Variants in ZNF691 observed in about 807,000 individuals in gnomAD.
ZNF691 encodes zinc finger protein 691.
A neutral mutation model predicts 24.1 loss-of-function variants in ZNF691; 11 were observed. The observed-to-expected ratio is 0.46, with a 90% CI of 0.29 to 0.75. ZNF691 has a LOEUF of 0.75. ZNF691 is among the 30% of genes least tolerant of loss of function. The probability of loss-of-function intolerance (pLI) is 0.11; values close to 1 mark genes in which losing one functional copy is unlikely to be tolerated. For synonymous variants in ZNF691, 149 were observed against 153.9 expected (o/e 0.97, Z 0.23); for missense variants, 356 against 409.0 (o/e 0.87, Z 1.12).
chr1:42,848,833 G>A (rs1655305659), intron 1 of ZNF691, among the ~76,000 whole-genome samples: 1 of 152,154 alleles, frequency 6.6e-6, no homozygotes, highest in African/African-American at 2.4e-5. Flanking sequence ...TTAAAGGATG[G>A]TCAGGAAACA....
At chr1:42,847,099 C>T (rs1655262292) in intron 1 of ZNF691, among the ~76,000 whole-genome samples, 1 of 151,654 alleles carries the variant, frequency 6.6e-6, no homozygotes, top group African/African-American at 2.4e-5. Context: ...GCTTCCTCTT[C>T]CCTGACCGTC....
intron 1 of ZNF691, among the ~76,000 whole-genome samples, chr1:42,847,321 T>C (rs1461351029): frequency 4.6e-5 from 7 of 152,130 alleles, no homozygotes; most frequent in South Asian, 2.1e-4. Context: ...ACCTAGGCGC[T>C]TCACCTTCAT....
chr1:42,851,662 A>G lies in ZNF691; in HGVS notation c.797A>G (p.Asp266Gly), dbSNP rs774556175. 7 of 1,614,174 alleles carry G rather than the reference A, an allele frequency of 4.3e-6. No individual in the cohort carries two copies. Among genetic ancestry groups the G allele is most frequent in the Non-Finnish European group, 5.9e-6 (7 of 1,180,042 alleles). ...ACTGAGTGTGGGCGGACCTTCAGCG[A>G]TATCTCCAACTTTGGAGCACACCAG... The part of the protein sequence containing the change: ...ECTECGRTFS[D>G]ISNFGAHQRT... The change falls in exon 4 of 4, where the codon GAT becomes GGT. Residue 266 changes from aspartate to glycine, a missense_variant. By Grantham distance (94) the Asp-to-Gly change is moderately conservative. Coordinates refer to ENST00000651192, the MANE Select transcript of ZNF691 (RefSeq NM_001242739.2). The surrounding 1 kb of genome is among the most constrained non-coding windows in gnomAD (Gnocchi z 4.7).
rs1163123619 is a variant in ZNF691 at position 42,849,471 on chromosome 1, G to T, written c.-95+58G>T. On this transcript the variant is annotated intron_variant, in intron 2 of 3. Transcript: ENST00000651192. Reference sequence around the variant, plus strand: ...TAGGCTCAGAGTGGTTGAATAATTTGCAGAGAGCGATAAAGATAGTATGTG... The same window carrying T: ...TAGGCTCAGAGTGGTTGAATAATTTTCAGAGAGCGATAAAGATAGTATGTG... 6 of 687,572 alleles carry T rather than the reference G, an allele frequency of 8.7e-6. No homozygotes were observed. In the South Asian group the frequency reaches 9.0e-5, roughly 10 times the overall value. The allele number at this position is 687,572 out of a possible 1,614,324, so 42.6% of individuals were successfully genotyped here. A position where few individuals can be genotyped will look rare whatever the true frequency, so the allele number is the denominator to read the frequency against.
chr1:42,851,021 G>T lies in ZNF691; in HGVS notation c.156G>T (p.Lys52Asn). The change falls in exon 4 of 4, where the codon AAG (lysine) becomes AAT (asparagine). Residue 52 changes from lysine (K) to asparagine (N), a missense_variant. Physicochemically the swap from Lys to Asn is moderately conservative, Grantham distance 94. Coordinates refer to ENST00000651192, the MANE Select transcript of ZNF691 (RefSeq NM_001242739.2). The surrounding 1 kb of genome is among the most constrained non-coding windows in gnomAD (Gnocchi z 4.7). ...TGCCTGAGGAAGGGGAAGGGGGTAAGCCTTGGAGAGTGGATGACTCAGAGG... is the reference window on the plus strand; with the variant it reads ...TGCCTGAGGAAGGGGAAGGGGGTAATCCTTGGAGAGTGGATGACTCAGAGG... ...PHLPEEGEGG[K>N]PWRVDDSEGS... 6.4e-7 allele frequency: 1 copy of T among 1,568,030 alleles called. No homozygotes were observed. Among genetic ancestry groups the T allele is most frequent in the East Asian group, 2.2e-5 (1 of 44,656 alleles).
At chr1:42,850,657 AGTG>A in intron 3 of ZNF691, 2 of 1,550,286 alleles carry the variant, frequency 1.3e-6, no homozygotes, top group Non-Finnish European at 1.7e-6. Context: ...GTCATTGCTT[AGTG>A]GTTTCAAGAA....
At chr1:42,850,906 C>T (rs1453820487) in intron 3 of ZNF691, 44 bp from the exon 4 acceptor site, 2 of 1,542,498 alleles carry the variant, frequency 1.3e-6, no homozygotes, top group South Asian at 2.6e-5. Context: ...TGATCTGGCC[C>T]AACCCAAAGA....
At chr1:42,846,700 C>A (rs1354844228) in intron 1 of ZNF691, 43 bp downstream of exon 1, 1 of 152,546 alleles carries the variant, frequency 6.6e-6, no homozygotes, top group African/African-American at 2.4e-5. Flanking sequence ...GAGGCGGACA[C>A]GACTTCGCGG....
intron 1 of ZNF691, among the ~76,000 whole-genome samples, chr1:42,848,924 T>A (rs1053534509): frequency 4.1e-4 from 63 of 152,298 alleles, no homozygotes; most frequent in African/African-American, 1.5e-3. Flanking sequence ...TTCATATTCT[T>A]ATCTAAATTC....
In ZNF691 at chr1:42,852,010, C is replaced by T. The variant is rs957280606; in HGVS notation, c.*197C>T. The T allele has an allele frequency of 2.3e-6, 2 of 851,200 alleles. No individual in the cohort carries two copies. The highest frequency in any genetic ancestry group is 2.0e-5 in the Admixed American group (1 of 49,062). The allele number at this position is 851,200 out of a possible 1,614,324, so 52.7% of individuals were successfully genotyped here. A position where few individuals can be genotyped will look rare whatever the true frequency, so the allele number is the denominator to read the frequency against. The stretch of plus-strand genomic sequence containing the variant: ...CTGGAATAAAAACCCTTGCCTCTTT[C>T]CAGGCCAATTTCTCGTGTTGGAAAG... On this transcript the variant is annotated 3_prime_UTR_variant, in exon 4 of 4. Coordinates refer to ENST00000651192, the MANE Select transcript of ZNF691 (RefSeq NM_001242739.2).
intron 1 of ZNF691, among the ~76,000 whole-genome samples, chr1:42,846,911 C>T (rs1655253814): frequency 1.3e-5 from 2 of 152,176 alleles, no homozygotes; most frequent in South Asian, 4.1e-4. Flanking sequence ...GCCTTCCTGC[C>T]GCTGACCATA....
intron 1 of ZNF691, among the ~76,000 whole-genome samples, chr1:42,847,287 C>G (rs1278913085): frequency 6.6e-6 from 1 of 152,216 alleles, no homozygotes; most frequent in Non-Finnish European, 1.5e-5. Context: ...CCATACCGCA[C>G]TATGGCTTGG....
rs74772909 is a variant in ZNF691 at position 42,848,508 on chromosome 1, A to G, written c.-217-783A>G. Among the ~76,000 whole-genome samples the G allele has an allele frequency of 1.3e-4, 20 of 152,328 alleles. No individual in the cohort carries two copies. The East Asian group carries it at 3.9e-3, about 29-fold the overall frequency. On this transcript the variant is annotated intron_variant, in intron 1 of 3. Transcript: ENST00000651192. ...TGCATAAAGGAGAAAGTAGGCAGGA[A>G]TCAGGAGATTGCTGAGGAAAAGTGG...
intron 1 of ZNF691, among the ~76,000 whole-genome samples, chr1:42,847,743 G>T (rs1028891341): frequency 6.6e-6 from 1 of 152,222 alleles, no homozygotes; most frequent in African/African-American, 2.4e-5. Flanking sequence ...ATGGTTAAAA[G>T]CACTGACTTT....
intron 1 of ZNF691, among the ~76,000 whole-genome samples, chr1:42,848,448 C>T (rs1655296834): frequency 6.6e-6 from 1 of 152,112 alleles, no homozygotes; most frequent in Non-Finnish European, 1.5e-5. Context: ...CTAGTAGTTG[C>T]AAACCACTAT....
intron 3 of ZNF691, chr1:42,850,285 G>T: frequency 2.6e-6 from 1 of 385,786 alleles, no homozygotes; most frequent in Non-Finnish European, 3.5e-6. Flanking sequence ...GTTTGAGAAT[G>T]TAGTGGAGGG....
Position 42,851,573 on chromosome 1 carries a change from C to T in ZNF691, c.708C>T (p.Phe236=). The change falls in exon 4 of 4, where the codon TTC becomes TTT. Residue 236 remains phenylalanine (F), a synonymous_variant. Transcript: ENST00000651192. The surrounding 1 kb of genome is among the most constrained non-coding windows in gnomAD (Gnocchi z 4.7). ...PYICCECGKS[F]SNSSSFGVHH... is the part of the protein sequence containing the mutation. ...TCTGCTGTGAGTGTGGGAAGAGCTT[C>T]AGCAACAGCTCCAGCTTTGGCGTGC... 2 of 1,614,230 alleles carry T rather than the reference C, an allele frequency of 1.2e-6. No individual in the cohort carries two copies. Among genetic ancestry groups the T allele is most frequent in the Non-Finnish European group, 1.7e-6 (2 of 1,180,056 alleles).
chr1:42,849,514 C>A, intron 2 of ZNF691, 51 bp from the exon 3 acceptor site: 1 of 727,652 alleles, frequency 1.4e-6, no homozygotes, highest in East Asian at 2.7e-5. Flanking sequence ...TGTAATCCAA[C>A]CCTAAATGTA....
rs1258457829 is a variant in ZNF691 at position 42,849,296 on chromosome 1, G to A, written c.-212G>A. On this transcript the variant is annotated 5_prime_UTR_variant, in exon 2 of 4. Coordinates refer to ENST00000651192, the MANE Select transcript of ZNF691 (RefSeq NM_001242739.2). ...TTTTCTTGTATTCTTCACAGGGCCT[G>A]GACGTAGTGTCTTCAACAGTTGTAA... is the stretch of plus-strand genomic sequence containing the variant. The A allele has an allele frequency of 2.1e-6, 1 of 466,612 alleles. No homozygotes were observed. The highest frequency in any genetic ancestry group is 2.5e-5 in the Admixed American group (1 of 39,784). 28.9% of individuals were successfully genotyped at this position (466,612 alleles called of 1,614,324 possible).
Sources: allele counts gnomAD v4.1 joint callset (sites outside exome capture counted in the v4.1 genomes callset), GRCh38; gene constraint gnomAD v4.1.1; non-coding constraint Gnocchi (gnomAD v3.1); transcripts MANE v1.5; gene names NCBI Gene and HGNC (gene_info 2026-07-23, HGNC 2026-07-21).